The following ABL1 variants were observed in gnomAD, a reference collection of about 807,000 sequenced individuals.
ABL1 encodes ABL proto-oncogene 1, non-receptor tyrosine kinase, also known as tyrosine-protein kinase ABL1.
A neutral mutation model predicts 94.7 loss-of-function variants in ABL1; 11 were observed. That is an observed-to-expected ratio of 0.12 (90% CI 0.07 to 0.19). ABL1 has a LOEUF of 0.19. ABL1 is among the 10% of genes least tolerant of loss of function. ABL1 has a pLI of 1.00. For synonymous variants in ABL1, 656 were observed against 622.4 expected, an observed-to-expected ratio of 1.05 and a Z score of -0.80; for missense variants, 1,082 against 1,489.4, an observed-to-expected ratio of 0.73 and a Z score of 4.50.
At chr9:130,810,366 T>C (rs1830192035) in intron 1 of ABL1, among the ~76,000 whole-genome samples, 1 of 152,014 alleles carries the variant, frequency 6.6e-6, no homozygotes, top group South Asian at 2.1e-4. Flanking sequence ...TGTGGTAGCG[T>C]GCACCTATAA....
At chr9:130,859,871 G>A (rs1022799510) in intron 3 of ABL1, among the ~76,000 whole-genome samples, 5 of 151,556 alleles carry the variant, frequency 3.3e-5, no homozygotes, top group African/African-American at 4.9e-5. Context: ...AGTAGAGATG[G>A]GGTTTCACCA....
intron 1 of ABL1, among the ~76,000 whole-genome samples, chr9:130,801,261 G>A (rs112949536): frequency 6.9e-6 from 1 of 145,276 alleles, no homozygotes; most frequent in Admixed American, 6.8e-5. Flanking sequence ...ATAGGATCTT[G>A]CTCAATCATG....
In ABL1 at chr9:130,885,356, C is replaced by A. The variant is rs558338170; in HGVS notation, c.3066C>A (p.Ile1022=). ...AAACCCGCCAGCCTCCAGAGCGGAT[C>A]GCCAGCGGCGCCATCACCAAGGGCG... ...LRKTRQPPER[I]ASGAITKGVV... The change falls in exon 11 of 11, where the codon ATC becomes ATA. Residue 1022 remains isoleucine (I), a synonymous_variant. Coordinates refer to ENST00000318560, the MANE Select transcript of ABL1 (RefSeq NM_005157.6). 4 of 1,613,660 alleles carry A rather than the reference C, an allele frequency of 2.5e-6. No individual in the cohort carries two copies. The East Asian group carries it at 6.7e-5, about 27-fold the overall frequency.
intron 1 of ABL1, among the ~76,000 whole-genome samples, chr9:130,786,358 G>C (rs1315386945): frequency 6.6e-6 from 1 of 152,178 alleles, no homozygotes; most frequent in Admixed American, 6.5e-5. Context: ...TGGGTGGCAG[G>C]GGAGACGGAA....
Position 130,880,405 on chromosome 9 carries a change from ACT to A in ABL1, c.1514-94_1514-93del. 1 of 1,435,712 alleles carries A rather than the reference ACT, an allele frequency of 7.0e-7. No individual in the cohort carries two copies. The highest frequency in any genetic ancestry group is 9.6e-7 in the Non-Finnish European group (1 of 1,043,922). 88.9% of individuals were successfully genotyped at this position (1,435,712 alleles called of 1,614,324 possible). A position where few individuals can be genotyped will look rare whatever the true frequency, so the allele number is the denominator to read the frequency against. On this transcript the variant is annotated intron_variant, in intron 9 of 10. Coordinates refer to ENST00000318560, the MANE Select transcript of ABL1 (RefSeq NM_005157.6). This position sits in a 1 kb window ranked among gnomAD's most constrained non-coding sequence, Gnocchi z 4.4. ...TTTCTTTAGTTGTATGCAGATGAGC[ACT>A]GTTACCTTACAAAGAAAGAGAACCA...
intron 1 of ABL1, among the ~76,000 whole-genome samples, chr9:130,802,927 G>A (rs1477874212): frequency 6.6e-6 from 1 of 152,194 alleles, no homozygotes; most frequent in East Asian, 1.9e-4. Flanking sequence ...GAGCTGCTTT[G>A]TGTCTGTCCC....
chr9:130,829,781 A>G (rs867094367), intron 1 of ABL1, among the ~76,000 whole-genome samples: 1 of 152,246 alleles, frequency 6.6e-6, no homozygotes, highest in Admixed American at 6.5e-5. Flanking sequence ...TAAGCAGTGA[A>G]GAATATTTAT....
intron 1 of ABL1, among the ~76,000 whole-genome samples, chr9:130,746,775 T>C (rs1831893945): frequency 6.6e-6 from 1 of 152,142 alleles, no homozygotes; most frequent in African/African-American, 2.4e-5. Flanking sequence ...AACATAATTT[T>C]TTAATTCACT....
In ABL1 at chr9:130,872,445, C is replaced by A. The variant is rs1248459452; in HGVS notation, c.907+232C>A. On this transcript the variant is annotated intron_variant, in intron 5 of 10. Transcript: ENST00000318560. The surrounding 1 kb of genome is among the most constrained non-coding windows in gnomAD (Gnocchi z 5.0). Reference sequence around the variant, plus strand: ...AGAATGTGATTATTTTAAGTGGATACCTAAAAGCAGTCAAATGCAAATCTG... The same window carrying A: ...AGAATGTGATTATTTTAAGTGGATAACTAAAAGCAGTCAAATGCAAATCTG... Among the ~76,000 whole-genome samples the A allele has an allele frequency of 2.0e-5, 3 of 152,208 alleles. No homozygotes were observed. The highest frequency in any genetic ancestry group is 4.4e-5 in the Non-Finnish European group (3 of 68,046).
chr9:130,793,145 C>T lies in ABL1; in HGVS notation c.137-60919C>T, dbSNP rs146520440. Reference sequence around the variant, plus strand: ...TTCATCATGTTGGCCAGACTGGTCACGAACTCCTGACCTCAGGTGATCTGC... The same window carrying T: ...TTCATCATGTTGGCCAGACTGGTCATGAACTCCTGACCTCAGGTGATCTGC... On this transcript the variant is annotated intron_variant, in intron 1 of 10. Coordinates refer to the ABL1 transcript ENST00000372348. 1.1e-3 allele frequency among the ~76,000 whole-genome samples: 160 copies of T among 152,254 alleles called. 3 individuals are homozygous for T. The East Asian group carries it at 0.028, about 26-fold the overall frequency.
At chr9:130,734,483 G>C (rs1831709054) in intron 1 of ABL1, among the ~76,000 whole-genome samples, 2 of 149,646 alleles carry the variant, frequency 1.3e-5, no homozygotes, top group Non-Finnish European at 1.5e-5. Flanking sequence ...CCAAAGTGCT[G>C]GGATTACAGG....
intron 1 of ABL1, among the ~76,000 whole-genome samples, chr9:130,847,018 A>T (rs1253803536): frequency 1.3e-5 from 2 of 152,136 alleles, no homozygotes; most frequent in Admixed American, 1.3e-4. Flanking sequence ...TTATACTGTC[A>T]TAGACAGAGC....
intron 1 of ABL1, among the ~76,000 whole-genome samples, chr9:130,796,772 AAAAAC>A (rs1012149132): frequency 2.6e-5 from 4 of 151,762 alleles, no homozygotes; most frequent in African/African-American, 9.7e-5. Context: ...TTGTTAAAAA[AAAAAC>A]AAAAAAACTT....
chr9:130,724,273 A>G (rs760577140), intron 1 of ABL1, among the ~76,000 whole-genome samples: 2 of 152,206 alleles, frequency 1.3e-5, no homozygotes, highest in Non-Finnish European at 2.9e-5. Flanking sequence ...TGCTGAATAC[A>G]TAGGCTCTCC....
intron 1 of ABL1, among the ~76,000 whole-genome samples, chr9:130,788,499 G>C (rs1295451760): frequency 1.3e-5 from 2 of 152,120 alleles, no homozygotes; most frequent in African/African-American, 4.8e-5. Context: ...ATTTAACTTT[G>C]ATAGAATATT....
chr9:130,724,933 G>T, intron 1 of ABL1: 1 of 351,218 alleles, frequency 2.8e-6, no homozygotes, highest in Admixed American at 2.9e-5. Context: ...CGCTTGGCGG[G>T]GTAGCCACAT....
exon 1 of ABL1, among the ~76,000 whole-genome samples, chr9:130,713,301 C>G (rs1024086316): frequency 1.3e-5 from 2 of 152,218 alleles, no homozygotes; most frequent in African/African-American, 4.8e-5. Flanking sequence ...CGGGCCTCCT[C>G]TACACGGGGC....
At chr9:130,716,063 A>C (rs1038440485) in intron 1 of ABL1, among the ~76,000 whole-genome samples, 1 of 146,180 alleles carries the variant, frequency 6.8e-6, no homozygotes, top group Non-Finnish European at 1.5e-5. Context: ...CTTTTCACTG[A>C]AAAATGTCCT....
chr9:130,717,593 G>C (rs749044663), intron 1 of ABL1, among the ~76,000 whole-genome samples: 27 of 151,636 alleles, frequency 1.8e-4, no homozygotes, highest in Non-Finnish European at 1.9e-4. Flanking sequence ...TCGAGGCTGC[G>C]GTGAGCCATG....
Sources: allele counts gnomAD v4.1 joint callset (sites outside exome capture counted in the v4.1 genomes callset), GRCh38; gene constraint gnomAD v4.1.1; non-coding constraint Gnocchi (gnomAD v3.1); transcripts MANE v1.5; gene names NCBI Gene and HGNC (gene_info 2026-07-23, HGNC 2026-07-21).